Variants in ICA1L observed in about 807,000 individuals in gnomAD.
ICA1L encodes islet cell autoantigen 1 like, also known as islet cell autoantigen 1-like protein.
In ICA1L, 50 loss-of-function variants were observed where a neutral mutation model predicts 61.3. That is an observed-to-expected ratio of 0.82 (90% CI 0.65 to 1.03). ICA1L has a LOEUF of 1.03. Ranked by LOEUF, ICA1L falls within the 50% of genes least tolerant of loss-of-function variation. The pLI, the probability that ICA1L is intolerant of heterozygous loss-of-function variation, is 0.00. For missense variants in ICA1L, 508 were observed against 556.7 expected, an observed-to-expected ratio of 0.91 and a Z score of 0.88; for synonymous variants, 161 against 191.3, an observed-to-expected ratio of 0.84 and a Z score of 1.31.
At chr2:202,834,840 T>C (rs899665377) in intron 1 of ICA1L, among the ~76,000 whole-genome samples, 21 of 152,260 alleles carry the variant, frequency 1.4e-4, no homozygotes, top group Admixed American at 1.4e-3. Flanking sequence ...ATTACTTATT[T>C]TACTTACAGA....
intron 1 of ICA1L, among the ~76,000 whole-genome samples, chr2:202,868,204 T>G (rs911118535): frequency 6.6e-6 from 1 of 152,146 alleles, no homozygotes; most frequent in African/African-American, 2.4e-5. Context: ...GTATATTATC[T>G]GAATTTCCCC....
rs1353777777 is a variant in ICA1L, at chr2:202,776,376, C to G, written c.*3157G>C. 6.6e-6 allele frequency: 1 copy of G among 151,732 alleles called. No individual in the cohort carries two copies. The highest frequency in any genetic ancestry group is 2.4e-5 in the African/African-American group (1 of 41,032). The allele number at this position is 151,732 out of a possible 1,614,324, so 9.4% of individuals were successfully genotyped here. On this transcript the variant is annotated 3_prime_UTR_variant, in exon 13 of 13. Transcript: ENST00000358299. ...AACATAAAGTATAGATATTTCTCCC[C>G]ATTTAACATAAAAAATATCTATTTT...
At chr2:202,788,541 T>A (rs563549070) in intron 11 of ICA1L, among the ~76,000 whole-genome samples, 5 of 152,094 alleles carry the variant, frequency 3.3e-5, no homozygotes, top group African/African-American at 1.2e-4. Flanking sequence ...CTGCCCTAGG[T>A]AGGAGTAATT....
At chr2:202,843,038 C>T (rs1424188563) in intron 1 of ICA1L, among the ~76,000 whole-genome samples, 1 of 152,064 alleles carries the variant, frequency 6.6e-6, no homozygotes, top group African/African-American at 2.4e-5. Context: ...TATTGTTTTG[C>T]TGATTTCAGT....
chr2:202,864,771 C>T (rs1461414988), intron 1 of ICA1L, among the ~76,000 whole-genome samples: 1 of 152,128 alleles, frequency 6.6e-6, no homozygotes, highest in East Asian at 1.9e-4. Flanking sequence ...GTAATCCCAG[C>T]ACTTTAGGAG....
rs531090744 is a variant in ICA1L at position 202,808,017 on chromosome 2, C to T, written c.910+3729G>A. On this transcript the variant is annotated intron_variant, in intron 9 of 12. Coordinates refer to ENST00000358299, the MANE Select transcript of ICA1L (RefSeq NM_001288622.3). Reference sequence around the variant, plus strand: ...ACTTGGGTAAGACCCAGGGCTGTGCCGGCTTCAGGTGTGACCCAGTGCATT... The same window carrying T: ...ACTTGGGTAAGACCCAGGGCTGTGCTGGCTTCAGGTGTGACCCAGTGCATT... Among the ~76,000 whole-genome samples, 7 of 152,232 alleles carry T rather than the reference C, an allele frequency of 4.6e-5. No homozygotes were observed. The South Asian group carries it at 8.3e-4, about 18-fold the overall frequency.
chr2:202,841,578 C>A (rs917930271), intron 1 of ICA1L: 3 of 695,258 alleles, frequency 4.3e-6, no homozygotes, highest in Admixed American at 3.8e-5. Context: ...ACTGTGACAG[C>A]AGTGATGCTT....
chr2:202,848,397 A>C (rs985948890), intron 1 of ICA1L, among the ~76,000 whole-genome samples: 4 of 152,222 alleles, frequency 2.6e-5, no homozygotes, highest in Non-Finnish European at 5.9e-5. Flanking sequence ...GAAGTGATCT[A>C]ACTCATTTCA....
chr2:202,836,522 T>A (rs544876646), intron 1 of ICA1L, among the ~76,000 whole-genome samples: 2 of 152,256 alleles, frequency 1.3e-5, no homozygotes, highest in South Asian at 4.1e-4. Context: ...TTTGTAAAAT[T>A]AGTTTGGAAG....
At chr2:202,859,149 C>A (rs1174457719) in intron 1 of ICA1L, among the ~76,000 whole-genome samples, 1 of 152,148 alleles carries the variant, frequency 6.6e-6, no homozygotes, top group Non-Finnish European at 1.5e-5. Context: ...TTAAGGGTAA[C>A]TGATATGAAA....
chr2:202,811,774 A>G lies in ICA1L; in HGVS notation c.882T>C (p.Asp294=). ...TEQLNKLVLS[D]EEASFESEQA... Reference sequence around the variant, plus strand: ...GTTCACTCTCAAAGCTTGCTTCCTCATCAGACAAAACTAGCCTGAAGTAAA... The same window carrying G: ...GTTCACTCTCAAAGCTTGCTTCCTCGTCAGACAAAACTAGCCTGAAGTAAA... Residue 294 remains aspartate (D), a synonymous_variant, in exon 9 of 13, where the codon GAT becomes GAC. Coordinates refer to ENST00000358299, the MANE Select transcript of ICA1L (RefSeq NM_001288622.3). 1 of 1,607,482 alleles carries G rather than the reference A, an allele frequency of 6.2e-7. No homozygotes were observed. The highest frequency in any genetic ancestry group is 8.5e-7 in the Non-Finnish European group (1 of 1,175,084).
In ICA1L at chr2:202,779,334, A is replaced by C; in HGVS notation, c.*199T>G. On this transcript the variant is annotated 3_prime_UTR_variant, in exon 13 of 13. Transcript: ENST00000358299. ...TTTCTAATATTTTCCACATAGTACC[A>C]ACAGCTGCAAATCCAAGATATGAAA... is the stretch of plus-strand genomic sequence containing the variant. 4.5e-6 allele frequency: 2 copies of C among 440,840 alleles called. No individual in the cohort carries two copies. The highest frequency in any genetic ancestry group is 4.0e-6 in the Non-Finnish European group (1 of 251,314). 27.3% of individuals were successfully genotyped at this position (440,840 alleles called of 1,614,324 possible).
chr2:202,809,751 T>G (rs1396393496), intron 9 of ICA1L, among the ~76,000 whole-genome samples: 1 of 151,966 alleles, frequency 6.6e-6, no homozygotes, highest in Non-Finnish European at 1.5e-5. Context: ...ATTGTGCCAT[T>G]GCACTCGAGT....
chr2:202,792,600 C>T (rs1317511410), intron 10 of ICA1L, among the ~76,000 whole-genome samples: 2 of 151,964 alleles, frequency 1.3e-5, no homozygotes, highest in African/African-American at 2.4e-5. Flanking sequence ...GTCAGGAGAT[C>T]GAGACCATCC....
chr2:202,856,977 A>T (rs545376445), intron 1 of ICA1L, among the ~76,000 whole-genome samples: 1 of 152,056 alleles, frequency 6.6e-6, no homozygotes, highest in South Asian at 2.1e-4. Context: ...CAAGGAAATA[A>T]GAGAGGATAC....
At chr2:202,850,711 C>T (rs552369174) in intron 1 of ICA1L, among the ~76,000 whole-genome samples, 1 of 152,298 alleles carries the variant, frequency 6.6e-6, no homozygotes, top group African/African-American at 2.4e-5. Context: ...TTGGAAAACA[C>T]AGTTCAGGAT....
intron 1 of ICA1L, among the ~76,000 whole-genome samples, chr2:202,835,181 C>T (rs1694112491): frequency 1.4e-5 from 2 of 147,378 alleles, no homozygotes; most frequent in Non-Finnish European, 3.0e-5. Flanking sequence ...TTTTTACTAG[C>T]TACTGTCAAT....
chr2:202,855,024 TA>T (rs1276211864), intron 1 of ICA1L, among the ~76,000 whole-genome samples: 1 of 152,074 alleles, frequency 6.6e-6, no homozygotes, highest in Non-Finnish European at 1.5e-5. Context: ...ACATGGAAAC[TA>T]AACAATCTGC....
intron 1 of ICA1L, among the ~76,000 whole-genome samples, chr2:202,837,429 G>A (rs1236530458): frequency 1.3e-5 from 2 of 151,602 alleles, no homozygotes; most frequent in Admixed American, 6.6e-5. Context: ...GATTACAGGC[G>A]CCTGCCACCA....
Sources: gnomAD v4.1 joint callset for allele counts (sites outside exome capture counted in the v4.1 genomes callset) on GRCh38, gnomAD v4.1.1 for gene constraint, MANE v1.5 for transcripts, NCBI Gene and HGNC (gene_info 2026-07-23, HGNC 2026-07-21) for gene names.